The following GALNT13 variants were observed in gnomAD, a reference collection of about 807,000 sequenced individuals.
GALNT13 encodes the protein UDP-GalNAc:polypeptide N-acetylgalactosaminyltransferase 13.
In GALNT13, 28 loss-of-function variants were observed where a neutral mutation model predicts 64.2. The ratio of observed to expected loss-of-function variants is 0.44; its 90% CI spans 0.32 to 0.60. GALNT13 has a LOEUF of 0.60. GALNT13 is among the 20% of genes least tolerant of loss of function. The pLI, the probability that GALNT13 is intolerant of heterozygous loss-of-function variation, is 0.05. For missense variants in GALNT13, 577 were observed against 669.8 expected, an observed-to-expected ratio of 0.86 and a Z score of 1.53; for synonymous variants, 214 against 224.6, an observed-to-expected ratio of 0.95 and a Z score of 0.42.
intron 3 of GALNT13, among the ~76,000 whole-genome samples, chr2:154,000,359 A>C (rs952179881): frequency 6.6e-6 from 1 of 151,764 alleles, no homozygotes; most frequent in Non-Finnish European, 1.5e-5. Flanking sequence ...TTTTGGGCGT[A>C]CTTTGTTCTT....
At chr2:154,156,318 T>G (rs907206359) in intron 4 of GALNT13, among the ~76,000 whole-genome samples, 3 of 152,208 alleles carry the variant, frequency 2.0e-5, no homozygotes, top group African/African-American at 4.8e-5. Flanking sequence ...TAAGCTATAT[T>G]TTATAAGAAA....
the GALNT13 span, among the ~76,000 whole-genome samples, chr2:153,537,116 G>A: frequency 6.6e-6 from 1 of 152,180 alleles, no homozygotes; most frequent in Non-Finnish European, 1.5e-5. Flanking sequence ...GTGCCTGAAT[G>A]CTCAAAGGTA....
chr2:153,260,538 T>C, the GALNT13 span, among the ~76,000 whole-genome samples: 1 of 152,206 alleles, frequency 6.6e-6, no homozygotes, highest in Admixed American at 6.5e-5. Context: ...TCCTGGCCTG[T>C]AAGGTTTTCA....
chr2:153,311,701 C>G, the GALNT13 span, among the ~76,000 whole-genome samples: 1 of 152,208 alleles, frequency 6.6e-6, no homozygotes, highest in East Asian at 1.9e-4. Flanking sequence ...GCTGGCTCCT[C>G]CCAAAGCAAG....
Position 154,208,028 on chromosome 2 carries a change from A to G in GALNT13, c.312-34002A>G, listed in dbSNP as rs905748937. On this transcript the variant is annotated intron_variant, in intron 4 of 12. Transcript: ENST00000392825. The stretch of plus-strand genomic sequence containing the variant: ...TTTTCTATTTCAATAATAAATACCT[A>G]GGGGATTTTTTTAAGCAACTAAGAA... Among the ~76,000 whole-genome samples the G allele has an allele frequency of 2.6e-5, 4 of 152,132 alleles. No individual in the cohort carries two copies. In the East Asian group the frequency reaches 7.7e-4, roughly 29 times the overall value.
Position 153,901,016 on chromosome 2 carries a change from T to C in GALNT13, c.-105+9T>C, listed in dbSNP as rs1324458066. ...GCCAAGTGCCACATACAGTAAGTAA[T>C]ATTTTTATTTTTCTACTCAATTGCA... On this transcript the variant is annotated intron_variant, in intron 2 of 12. Coordinates refer to ENST00000392825, the MANE Select transcript of GALNT13 (RefSeq NM_052917.4). The C allele has an allele frequency of 6.6e-6, 1 of 152,200 alleles. No individual in the cohort carries two copies. The highest frequency in any genetic ancestry group is 1.5e-5 in the Non-Finnish European group (1 of 68,036). The allele number at this position is 152,200 out of a possible 1,614,324, so 9.4% of individuals were successfully genotyped here. A position where few individuals can be genotyped will look rare whatever the true frequency, so the allele number is the denominator to read the frequency against.
intron 3 of GALNT13, among the ~76,000 whole-genome samples, chr2:154,092,791 A>G (rs1701883259): frequency 6.6e-6 from 1 of 151,980 alleles, no homozygotes; most frequent in South Asian, 2.1e-4. Context: ...TAGGAAACAT[A>G]TATTGAGTGT....
Position 154,298,722 on chromosome 2 carries a change from ATAT to A in GALNT13, c.976-2682_976-2680del, listed in dbSNP as rs1559076077. Among the ~76,000 whole-genome samples, 3 of 65,828 alleles carry A rather than the reference ATAT, an allele frequency of 4.6e-5. 1 individual carries two copies. The South Asian group carries it at 1.5e-3, about 32-fold the overall frequency. 43.2% of individuals were successfully genotyped at this position (65,828 alleles called of 152,430 possible). A position where few individuals can be genotyped will look rare whatever the true frequency, so the allele number is the denominator to read the frequency against. On this transcript the variant is annotated intron_variant, in intron 8 of 12. Transcript: ENST00000392825. Reference sequence around the variant, plus strand: ...TGTATATACAATTTATATATAAATTATATTATTTATATATAGTATATATAAATA... The same window carrying A: ...TGTATATACAATTTATATATAAATTATATTTATATATAGTATATATAAATA...
the GALNT13 span, among the ~76,000 whole-genome samples, chr2:153,359,630 CAAAAAAAAAAAAAA>C: frequency 0.022 from 829 of 38,260 alleles, 13 homozygotes; most frequent in African/African-American, 0.078. Context: ...CAGCTTTCAG[CAAAAAAAAAAAAAA>C]AAAAAAAAAA....
chr2:153,732,494 A>C, the GALNT13 span, among the ~76,000 whole-genome samples: 1 of 151,994 alleles, frequency 6.6e-6, no homozygotes, highest in Non-Finnish European at 1.5e-5. Flanking sequence ...TTTTGGAGAG[A>C]CCAGATAGTT....
At chr2:153,838,437 T>G in the GALNT13 span, among the ~76,000 whole-genome samples, 1 of 151,960 alleles carries the variant, frequency 6.6e-6, no homozygotes, top group African/African-American at 2.4e-5. Flanking sequence ...TGGTGTAAGA[T>G]AAGGGTCCAA....
At chr2:153,489,112 G>C in the GALNT13 span, among the ~76,000 whole-genome samples, 2 of 152,268 alleles carry the variant, frequency 1.3e-5, no homozygotes, top group South Asian at 4.1e-4. Flanking sequence ...AGACATCGGA[G>C]ACCAGAAGGA....
chr2:153,401,060 T>C, the GALNT13 span, among the ~76,000 whole-genome samples: 1 of 151,840 alleles, frequency 6.6e-6, no homozygotes, highest in African/African-American at 2.4e-5. Flanking sequence ...CTTGTGGGCA[T>C]TTAGTGCTAT....
chr2:154,290,995 G>C (rs1475260173), intron 8 of GALNT13, among the ~76,000 whole-genome samples: 2 of 152,006 alleles, frequency 1.3e-5, no homozygotes, highest in East Asian at 3.9e-4. Flanking sequence ...TTCTCGGTGA[G>C]CGTTACAGCT....
At chr2:153,418,962 C>T in the GALNT13 span, among the ~76,000 whole-genome samples, 58 of 152,056 alleles carry the variant, frequency 3.8e-4, no homozygotes, top group African/African-American at 1.3e-3. Context: ...CTGTTTTTCC[C>T]GTTTTTGAAT....
chr2:153,397,954 G>A, the GALNT13 span, among the ~76,000 whole-genome samples: 3 of 151,842 alleles, frequency 2.0e-5, no homozygotes, highest in East Asian at 1.9e-4. Context: ...TAAGTTTCAG[G>A]GTACATGTGC....
intron 9 of GALNT13, among the ~76,000 whole-genome samples, chr2:154,382,946 G>C (rs1464969105): frequency 6.6e-6 from 1 of 151,930 alleles, no homozygotes; most frequent in Non-Finnish European, 1.5e-5. Flanking sequence ...CAAGTGCAGA[G>C]AGGTGGGGAG....
the GALNT13 span, among the ~76,000 whole-genome samples, chr2:153,193,574 T>C: frequency 6.6e-6 from 1 of 151,976 alleles, no homozygotes; most frequent in Non-Finnish European, 1.5e-5. Flanking sequence ...TGTGCACATG[T>C]ACCCTAAAAC....
At chr2:153,732,393 G>C in the GALNT13 span, among the ~76,000 whole-genome samples, 2 of 151,978 alleles carry the variant, frequency 1.3e-5, no homozygotes, top group Non-Finnish European at 2.9e-5. Flanking sequence ...AATATGAACA[G>C]AACATTATAT....
Sources: gnomAD v4.1 joint callset for allele counts (sites outside exome capture counted in the v4.1 genomes callset) on GRCh38, gnomAD v4.1.1 for gene constraint, MANE v1.5 for transcripts, NCBI Gene and HGNC (gene_info 2026-07-23, HGNC 2026-07-21) for gene names.